GABRG3: variants seen among roughly 807,000 people sequenced by gnomAD.
GABRG3 encodes gamma-aminobutyric acid type A receptor subunit gamma3.
In GABRG3, 25 loss-of-function variants were observed where a neutral mutation model predicts 48.8. That is an observed-to-expected ratio of 0.51 (90% CI 0.37 to 0.72). The LOEUF is 0.72. Ranked by LOEUF, GABRG3 falls within the 30% of genes least tolerant of loss-of-function variation. The probability of loss-of-function intolerance (pLI) is 0.00; values close to 1 mark genes in which losing one functional copy is unlikely to be tolerated. For synonymous variants in GABRG3, 227 were observed against 217.6 expected (o/e 1.04, Z -0.38); for missense variants, 394 against 577.9 (o/e 0.68, Z 3.26).
intron 3 of GABRG3, among the ~76,000 whole-genome samples, chr15:27,092,905 A>C (rs1897213821): frequency 6.6e-6 from 1 of 151,742 alleles, no homozygotes; most frequent in South Asian, 2.1e-4. Flanking sequence ...CTTCTCCTTG[A>C]GTTTTCACTA....
intron 3 of GABRG3, among the ~76,000 whole-genome samples, chr15:27,283,885 T>G (rs903544898): frequency 1.5e-4 from 23 of 152,214 alleles, no homozygotes; most frequent in Non-Finnish European, 2.9e-5. Context: ...TTAGCTATAC[T>G]TCATAGGGGA....
chr15:27,099,236 C>A (rs1469215332), intron 3 of GABRG3, among the ~76,000 whole-genome samples: 3 of 152,130 alleles, frequency 2.0e-5, no homozygotes, highest in Non-Finnish European at 4.4e-5. Flanking sequence ...AGTGCTAAGC[C>A]ACTCTGATGA....
In GABRG3 at chr15:26,976,251, C is replaced by T. The variant is rs557634367; in HGVS notation, c.54-751C>T. Among the ~76,000 whole-genome samples the T allele has an allele frequency of 6.6e-6, 1 of 152,290 alleles. No homozygotes were observed. Among genetic ancestry groups the T allele is most frequent in the African/African-American group, 2.4e-5 (1 of 41,564 alleles). On this transcript the variant is annotated intron_variant, in intron 1 of 9. Coordinates refer to ENST00000615808, the MANE Select transcript of GABRG3 (RefSeq NM_033223.5). The surrounding 1 kb of genome is among the most constrained non-coding windows in gnomAD (Gnocchi z 7.8). ...TGCACAAAACAAGCTCAGAGATGCC[C>T]AGGCATTCACTGAGACTCATTTACT...
intron 5 of GABRG3, among the ~76,000 whole-genome samples, chr15:27,437,402 G>A (rs527997003): frequency 6.6e-6 from 1 of 152,246 alleles, no homozygotes; most frequent in East Asian, 1.9e-4. Context: ...AAAATAGATT[G>A]GTTGGAATTC....
intron 3 of GABRG3, among the ~76,000 whole-genome samples, chr15:27,219,979 C>T (rs1889399211): frequency 6.6e-6 from 1 of 152,160 alleles, no homozygotes; most frequent in Non-Finnish European, 1.5e-5. Flanking sequence ...TGTCACCAAA[C>T]TGAACTTGGG....
chr15:27,088,876 G>C (rs1897135281), intron 3 of GABRG3, among the ~76,000 whole-genome samples: 1 of 152,154 alleles, frequency 6.6e-6, no homozygotes, highest in South Asian at 2.1e-4. Flanking sequence ...TCTGAAGGGA[G>C]ACGGGGTGAG....
Position 27,441,321 on chromosome 15 carries a change from T to A in GABRG3, c.575-39329T>A, listed in dbSNP as rs530667994. Among the ~76,000 whole-genome samples the A allele has an allele frequency of 9.8e-5, 15 of 152,338 alleles. No individual in the cohort carries two copies. In the South Asian group the frequency reaches 3.1e-3, roughly 32 times the overall value. Reference sequence around the variant, plus strand: ...ATATTGTGTCATCCTAAATTTATCATGTTAAATTATTGATCCTTGTAAACC... The same window carrying A: ...ATATTGTGTCATCCTAAATTTATCAAGTTAAATTATTGATCCTTGTAAACC... On this transcript the variant is annotated intron_variant, in intron 5 of 9. Coordinates refer to ENST00000615808, the MANE Select transcript of GABRG3 (RefSeq NM_033223.5).
intron 5 of GABRG3, among the ~76,000 whole-genome samples, chr15:27,435,358 C>G (rs1595752722): frequency 6.6e-6 from 1 of 151,902 alleles, no homozygotes; most frequent in South Asian, 2.1e-4. Context: ...GCCGTATGGT[C>G]TCTCTTGCAA....
chr15:27,012,866 A>G (rs1306427225), intron 2 of GABRG3, among the ~76,000 whole-genome samples: 1 of 152,204 alleles, frequency 6.6e-6, no homozygotes. Context: ...CCAGTCATCC[A>G]CTAATTATTT....
intron 6 of GABRG3, among the ~76,000 whole-genome samples, chr15:27,498,155 CTTCT>C (rs1460906497): frequency 4.0e-5 from 6 of 151,892 alleles, no homozygotes; most frequent in African/African-American, 7.3e-5. Flanking sequence ...TGTTCCCTTC[CTTCT>C]GTTTCTTTCC....
chr15:27,342,547 A>T (rs932083649), intron 5 of GABRG3, among the ~76,000 whole-genome samples: 6 of 152,152 alleles, frequency 3.9e-5, no homozygotes, highest in Admixed American at 6.6e-5. Context: ...ATTCCCACAG[A>T]CCTTCCAGAG....
intron 3 of GABRG3, among the ~76,000 whole-genome samples, chr15:27,060,791 T>A (rs925628111): frequency 6.6e-6 from 1 of 152,180 alleles, no homozygotes; most frequent in Admixed American, 6.5e-5. Context: ...GCCACAACAC[T>A]TTCTCCCCTC....
chr15:27,150,501 CTGGCCGGG>C (rs1364049132), intron 3 of GABRG3, among the ~76,000 whole-genome samples: 1 of 152,160 alleles, frequency 6.6e-6, no homozygotes, highest in African/African-American at 2.4e-5. Context: ...TGAAGGTGGG[CTGGCCGGG>C]TTCCATTGTC....
chr15:27,288,234 C>A (rs1490762595), intron 3 of GABRG3, among the ~76,000 whole-genome samples: 3 of 151,688 alleles, frequency 2.0e-5, no homozygotes, highest in Non-Finnish European at 4.4e-5. Context: ...TTGTGGAAGA[C>A]AGTTTTTCCA....
chr15:27,023,046 C>T (rs1286848432), intron 2 of GABRG3, among the ~76,000 whole-genome samples: 1 of 152,180 alleles, frequency 6.6e-6, no homozygotes, highest in Non-Finnish European at 1.5e-5. Context: ...TATGATTCTT[C>T]TCAGACATAC....
chr15:27,055,062 C>A (rs1398243365), intron 3 of GABRG3, among the ~76,000 whole-genome samples: 1 of 136,812 alleles, frequency 7.3e-6, no homozygotes, highest in African/African-American at 2.8e-5. Context: ...TCTTTACATT[C>A]TTAAAGGATT....
At chr15:27,456,452 A>AC (rs1222837521) in intron 5 of GABRG3, among the ~76,000 whole-genome samples, 1 of 152,002 alleles carries the variant, frequency 6.6e-6, no homozygotes, top group Non-Finnish European at 1.5e-5. Context: ...CTTTATTCAC[A>AC]CCCCAAATAA....
intron 2 of GABRG3, among the ~76,000 whole-genome samples, chr15:26,994,080 C>A (rs1895294897): frequency 6.6e-6 from 1 of 151,932 alleles, no homozygotes; most frequent in South Asian, 2.1e-4. Flanking sequence ...TATTTTCAGT[C>A]TATATGCATC....
chr15:27,344,861 G>T (rs1894313668), intron 5 of GABRG3, among the ~76,000 whole-genome samples: 1 of 151,952 alleles, frequency 6.6e-6, no homozygotes, highest in African/African-American at 2.4e-5. Context: ...TTTACCTCTT[G>T]TCTTTTAATG....
Sources: gnomAD v4.1 joint callset for allele counts (sites outside exome capture counted in the v4.1 genomes callset) on GRCh38, gnomAD v4.1.1 for gene constraint, Gnocchi (gnomAD v3.1) non-coding constraint, MANE v1.5 for transcripts, NCBI Gene and HGNC (gene_info 2026-07-23, HGNC 2026-07-21) for gene names.